DIP2C: variants seen among roughly 807,000 people sequenced by gnomAD.
DIP2C encodes DIP2 acetate--CoA ligase C (putative).
A neutral mutation model predicts 192.4 loss-of-function variants in DIP2C; 33 were observed. That is an observed-to-expected ratio of 0.17 (90% confidence interval 0.13 to 0.23). The LOEUF is 0.23. Among genes scored for constraint, DIP2C ranks in the 10% least tolerant of loss-of-function variants. DIP2C has a pLI of 1.00. For synonymous variants in DIP2C, 979 were observed against 864.1 expected, an observed-to-expected ratio of 1.13 and a Z score of -2.33; for missense variants, 1,537 against 2,110.1, an observed-to-expected ratio of 0.73 and a Z score of 5.32.
chr10:299,561 A>G (rs1007287198), intron 32 of DIP2C, among the ~76,000 whole-genome samples: 1 of 152,262 alleles, frequency 6.6e-6, no homozygotes, highest in African/African-American at 2.4e-5. Context: ...TTAAAGGAAC[A>G]GTCATGTGTT....
chr10:299,211 T>C (rs187948459), intron 32 of DIP2C, among the ~76,000 whole-genome samples: 1 of 152,360 alleles, frequency 6.6e-6, no homozygotes, highest in Admixed American at 6.5e-5. Context: ...AAGTGTGGAT[T>C]TCCTGAGAAT....
intron 1 of DIP2C, among the ~76,000 whole-genome samples, chr10:551,007 C>G (rs559415364): frequency 2.6e-4 from 40 of 152,140 alleles, no homozygotes; most frequent in African/African-American, 7.0e-4. Context: ...ACGGCTTCCC[C>G]GGGCCTCGAT....
chr10:349,463 C>T lies in DIP2C; in HGVS notation c.2986-9G>A. 6.3e-7 allele frequency: 1 copy of T among 1,596,858 alleles called. No homozygotes were observed. Among genetic ancestry groups the T allele is most frequent in the Non-Finnish European group, 8.5e-7 (1 of 1,171,014 alleles). ...GAGTTCGCTATCGCACCCTGCGGGC[C>T]GATCACAGGGACAAGCACATAAGAT... On this transcript the variant is annotated splice_polypyrimidine_tract_variant and intron_variant, in intron 24 of 36. Transcript: ENST00000280886.
At position 477,931 on chromosome 10, in the gene DIP2C, GAAAGAAGGAAGGA is replaced by G. The variant is rs1196133258; in HGVS notation, c.158-5395_158-5383del. ...GAAAGAAAAGACAGGAAAAGAGAGGGAAAGAAGGAAGGAAAAGAAGGAAAGAAAAGAGAAGGAA... is the reference window on the plus strand; with the variant it reads ...GAAAGAAAAGACAGGAAAAGAGAGGGAAAGAAGGAAAGAAAAGAGAAGGAA... On this transcript the variant is annotated intron_variant, in intron 2 of 36. Transcript: ENST00000280886. Among the ~76,000 whole-genome samples the G allele has an allele frequency of 9.5e-3, 1,002 of 105,396 alleles. 20 individuals are homozygous for G. Among genetic ancestry groups the G allele is most frequent in the African/African-American group, 0.036 (917 of 25,216 alleles). The allele number at this position is 105,396 out of a possible 152,430, so 69.1% of individuals were successfully genotyped here.
At chr10:292,526 A>G (rs995517907) in intron 32 of DIP2C, among the ~76,000 whole-genome samples, 20 of 152,178 alleles carry the variant, frequency 1.3e-4, no homozygotes, top group Admixed American at 1.2e-3. Context: ...CTGTCCTTGA[A>G]CTGCCCTCAA....
chr10:311,475 G>T, intron 31 of DIP2C: 1 of 1,216,888 alleles, frequency 8.2e-7, no homozygotes, highest in Non-Finnish European at 1.0e-6. Flanking sequence ...ACGGCTGGAT[G>T]CGGGCAAGGC....
At chr10:615,085 C>T (rs867138385) in intron 1 of DIP2C, among the ~76,000 whole-genome samples, 2 of 152,362 alleles carry the variant, frequency 1.3e-5, no homozygotes, top group Middle Eastern at 3.4e-3. Context: ...CCCAAGCCCT[C>T]ATTAAGAAAG....
intron 6 of DIP2C, among the ~76,000 whole-genome samples, chr10:418,136 TCCACC>T (rs1965904379): frequency 3.0e-5 from 1 of 33,408 alleles, no homozygotes; most frequent in Non-Finnish European, 5.0e-5. Flanking sequence ...GGCCTCCCTG[TCCACC>T]TGCACCTGTC....
intron 1 of DIP2C, among the ~76,000 whole-genome samples, chr10:514,783 C>T (rs1588359749): frequency 6.6e-6 from 1 of 152,174 alleles, no homozygotes; most frequent in Admixed American, 6.5e-5. Flanking sequence ...ATCACCACCC[C>T]CCTTCCATGG....
chr10:384,690 GAGC>G, intron 14 of DIP2C, 51 bp from the exon 15 acceptor site: 1 of 1,583,584 alleles, frequency 6.3e-7, no homozygotes, highest in Non-Finnish European at 8.7e-7. Flanking sequence ...GCACGCAGAG[GAGC>G]AGCTCTCACC....
intron 3 of DIP2C, 68 bp from the exon 4 acceptor site, chr10:441,064 C>G: frequency 6.5e-7 from 1 of 1,541,162 alleles, no homozygotes; most frequent in East Asian, 2.3e-5. Flanking sequence ...GCACCCTCCT[C>G]TCTGTCCCTG....
chr10:390,567 C>A (rs897607578), intron 11 of DIP2C, among the ~76,000 whole-genome samples, 173 bp downstream of exon 11: 1 of 151,680 alleles, frequency 6.6e-6, no homozygotes, highest in Non-Finnish European at 1.5e-5. Flanking sequence ...CGTCACCCCA[C>A]GGGCTGGCAA....
At chr10:621,056 G>C (rs1853816056) in intron 1 of DIP2C, among the ~76,000 whole-genome samples, 1 of 152,194 alleles carries the variant, frequency 6.6e-6, no homozygotes, top group Non-Finnish European at 1.5e-5. Flanking sequence ...AGTACCTGGA[G>C]AGGAAGAATC....
At chr10:320,258 A>G in intron 31 of DIP2C, among the ~76,000 whole-genome samples, 1 of 152,192 alleles carries the variant, frequency 6.6e-6, no homozygotes, top group East Asian at 1.9e-4. Context: ...CACTTAAAAG[A>G]ATCAACTTTG....
chr10:388,526 A>G (rs1025472770), intron 13 of DIP2C, among the ~76,000 whole-genome samples: 1 of 152,234 alleles, frequency 6.6e-6, no homozygotes, highest in Non-Finnish European at 1.5e-5. Context: ...AATGGCCAAA[A>G]GTAAACAACC....
chr10:540,293 C>T (rs561586809), intron 1 of DIP2C, among the ~76,000 whole-genome samples: 16 of 152,350 alleles, frequency 1.1e-4, no homozygotes, highest in Admixed American at 6.5e-4. Flanking sequence ...GCTGTCACAA[C>T]GCAGCACCAT....
At chr10:302,930 T>C (rs1161765378) in intron 32 of DIP2C, among the ~76,000 whole-genome samples, 1 of 152,176 alleles carries the variant, frequency 6.6e-6, no homozygotes, top group South Asian at 2.1e-4. Context: ...ACTGTACTTG[T>C]AAGCTAAGAC....
In DIP2C at chr10:368,260, T is replaced by C. The variant is rs556317254; in HGVS notation, c.2131+1234A>G. On this transcript the variant is annotated intron_variant, in intron 18 of 36. Transcript: ENST00000280886. ...ACTGCTGCACAGCCCCAGGTGCCTC[T>C]GACAGGGGCCTGGGAAGCCCGCGGT... 5.7e-4 allele frequency among the ~76,000 whole-genome samples: 85 copies of C among 148,890 alleles called. 1 individual carries two copies. Among genetic ancestry groups the C allele is most frequent in the South Asian group, 4.6e-3 (21 of 4,608 alleles).
chr10:288,867 G>A (rs762171879), intron 32 of DIP2C, among the ~76,000 whole-genome samples: 7 of 152,212 alleles, frequency 4.6e-5, no homozygotes, highest in South Asian at 2.1e-4. Context: ...CGCGTGCATC[G>A]CAGCCACAGG....
Sources: gnomAD v4.1 joint callset for allele counts (sites outside exome capture counted in the v4.1 genomes callset) on GRCh38, gnomAD v4.1.1 for gene constraint, MANE v1.5 for transcripts, NCBI Gene and HGNC (gene_info 2026-07-23, HGNC 2026-07-21) for gene names.